ERBB4: variants seen among roughly 807,000 people sequenced by gnomAD.
ERBB4 encodes erb-b2 receptor tyrosine kinase 4.
In ERBB4, 42 loss-of-function variants were observed where a neutral mutation model predicts 158.0. The observed-to-expected ratio is 0.27, with a 90% CI of 0.21 to 0.34. The LOEUF (loss-of-function observed/expected upper bound fraction) is 0.34, where lower values mean the gene tolerates loss of function less well. Ranked by LOEUF, ERBB4 falls within the 10% of genes least tolerant of loss-of-function variation. ERBB4 has a pLI of 1.00. For missense variants in ERBB4, 1,333 were observed against 1,624.1 expected, an observed-to-expected ratio of 0.82 and a Z score of 3.08; for synonymous variants, 583 against 558.7, an observed-to-expected ratio of 1.04 and a Z score of -0.61.
intron 16 of ERBB4, among the ~76,000 whole-genome samples, chr2:211,635,199 C>T (rs995477551): frequency 3.3e-5 from 5 of 152,072 alleles, no homozygotes; most frequent in South Asian, 2.1e-4. Flanking sequence ...TAAAAGGATA[C>T]GATCAATTGA....
intron 1 of ERBB4, among the ~76,000 whole-genome samples, chr2:212,463,334 T>G (rs1056751474): frequency 6.6e-6 from 1 of 152,098 alleles, no homozygotes; most frequent in Non-Finnish European, 1.5e-5. Flanking sequence ...CTACATATTG[T>G]GTAAGTGTAA....
intron 1 of ERBB4, among the ~76,000 whole-genome samples, chr2:212,188,247 A>G (rs77230661): frequency 1.1e-4 from 1 of 9,006 alleles, no homozygotes; most frequent in African/African-American, 3.8e-4. Context: ...CCCCCCTCTC[A>G]CCCCCTCCCT....
At chr2:212,098,741 A>G (rs551440484) in intron 2 of ERBB4, among the ~76,000 whole-genome samples, 31 of 152,270 alleles carry the variant, frequency 2.0e-4, no homozygotes, top group African/African-American at 7.0e-4. Context: ...GTTCTAATAA[A>G]AATATGCTGA....
chr2:212,453,694 A>G (rs1688126395), intron 1 of ERBB4, among the ~76,000 whole-genome samples: 1 of 152,144 alleles, frequency 6.6e-6, no homozygotes, highest in African/African-American at 2.4e-5. Flanking sequence ...TTATTTTAAA[A>G]TTTTAAAATC....
At chr2:211,562,412 C>A (rs1296242153) in intron 19 of ERBB4, among the ~76,000 whole-genome samples, 1 of 152,070 alleles carries the variant, frequency 6.6e-6, no homozygotes, top group Admixed American at 6.6e-5. Flanking sequence ...AAAATGAATT[C>A]CAGCTTATAT....
intron 20 of ERBB4, among the ~76,000 whole-genome samples, chr2:211,532,535 G>A (rs989928911): frequency 1.3e-5 from 2 of 151,836 alleles, no homozygotes; most frequent in Admixed American, 1.3e-4. Flanking sequence ...AGAGAATCTG[G>A]GAGAAAAAAG....
At chr2:211,499,001 G>A (rs1413858499) in intron 20 of ERBB4, among the ~76,000 whole-genome samples, 1 of 152,110 alleles carries the variant, frequency 6.6e-6, no homozygotes, top group African/African-American at 2.4e-5. Flanking sequence ...GAAGACAGTA[G>A]CCTCACCTGT....
intron 1 of ERBB4, among the ~76,000 whole-genome samples, chr2:212,184,458 A>G (rs62182566): frequency 0.18 from 26,618 of 151,948 alleles, 2,645 homozygotes; most frequent in Non-Finnish European, 0.22. Flanking sequence ...ACAAATGATC[A>G]ATTCTATTAA....
At chr2:212,188,084 T>C (rs1489979077) in intron 1 of ERBB4, among the ~76,000 whole-genome samples, 1 of 151,918 alleles carries the variant, frequency 6.6e-6, no homozygotes, top group Non-Finnish European at 1.5e-5. Context: ...CTTAACTTAG[T>C]GAATATAGCC....
intron 16 of ERBB4, among the ~76,000 whole-genome samples, chr2:211,656,504 A>C (rs1201076254): frequency 6.6e-6 from 1 of 152,220 alleles, no homozygotes; most frequent in Non-Finnish European, 1.5e-5. Flanking sequence ...TTGAAGTATA[A>C]TTTATATACA....
intron 2 of ERBB4, among the ~76,000 whole-genome samples, chr2:212,103,219 T>G (rs1442873719): frequency 6.6e-6 from 1 of 152,116 alleles, no homozygotes; most frequent in Admixed American, 6.5e-5. Flanking sequence ...CTTGGGGCAT[T>G]TGTTACTTTC....
intron 19 of ERBB4, among the ~76,000 whole-genome samples, chr2:211,569,835 C>A (rs1174639063): frequency 6.6e-6 from 1 of 152,124 alleles, no homozygotes; most frequent in Non-Finnish European, 1.5e-5. Flanking sequence ...AGTCTTAAAT[C>A]CTTAAGAAGA....
intron 5 of ERBB4, among the ~76,000 whole-genome samples, chr2:211,739,019 A>C (rs2106176604): frequency 6.6e-6 from 1 of 152,198 alleles, no homozygotes; most frequent in South Asian, 2.1e-4. Flanking sequence ...TGTAATTTTT[A>C]TCTCTATATT....
At chr2:212,191,599 GTGTTATGCCTGTTATATATAACACA>G (rs1559701805) in intron 1 of ERBB4, among the ~76,000 whole-genome samples, 1 of 140,128 alleles carries the variant, frequency 7.1e-6, no homozygotes, top group African/African-American at 2.9e-5. Context: ...TATAACACAT[GTGTTATGCCTGTTATATATAACACA>G]TGTGTTATGC....
intron 1 of ERBB4, among the ~76,000 whole-genome samples, chr2:212,283,492 T>C (rs1433600511): frequency 6.6e-6 from 1 of 152,006 alleles, no homozygotes; most frequent in Non-Finnish European, 1.5e-5. Context: ...TATCCTGAAA[T>C]GTATCTGATA....
chr2:212,516,411 G>T (rs1459527730), intron 1 of ERBB4, among the ~76,000 whole-genome samples: 1 of 151,820 alleles, frequency 6.6e-6, no homozygotes, highest in African/African-American at 2.4e-5. Flanking sequence ...TAATTCTTTG[G>T]GCAGTAGAAA....
At chr2:212,314,487 T>C in intron 1 of ERBB4, among the ~76,000 whole-genome samples, 1 of 150,926 alleles carries the variant, frequency 6.6e-6, no homozygotes, top group East Asian at 2.0e-4. Context: ...AGAAAAAAAT[T>C]AGTTATTTGG....
At chr2:212,039,097 T>C (rs929471596) in intron 2 of ERBB4, among the ~76,000 whole-genome samples, 9 of 152,160 alleles carry the variant, frequency 5.9e-5, no homozygotes, top group Admixed American at 1.3e-4. Context: ...ATTTAGTGAA[T>C]GTGTATTAGT....
chr2:211,695,500 A>G (rs1456199873), intron 12 of ERBB4, among the ~76,000 whole-genome samples: 2 of 152,208 alleles, frequency 1.3e-5, no homozygotes, highest in African/African-American at 4.8e-5. Flanking sequence ...TACTTATCAT[A>G]AAGCCAATTT....
Sources: gnomAD v4.1 joint callset for allele counts (sites outside exome capture counted in the v4.1 genomes callset) on GRCh38, gnomAD v4.1.1 for gene constraint, MANE v1.5 for transcripts, NCBI Gene and HGNC (gene_info 2026-07-23, HGNC 2026-07-21) for gene names.